PDPK1: variants seen among roughly 807,000 people sequenced by gnomAD.
PDPK1 encodes 3-phosphoinositide dependent protein kinase 1.
Under a neutral mutation model 39.8 loss-of-function variants are expected in PDPK1, and 7 were observed. That is an observed-to-expected ratio of 0.18 (90% CI 0.10 to 0.33). The LOEUF (loss-of-function observed/expected upper bound fraction) is 0.33, where lower values mean the gene tolerates loss of function less well. Ranked by LOEUF, PDPK1 falls within the 10% of genes least tolerant of loss-of-function variation. The pLI is 1.00. For synonymous variants in PDPK1, 118 were observed against 159.1 expected (o/e 0.74, Z 1.95); for missense variants, 182 against 384.7 (o/e 0.47, Z 4.41).
chr16:2,545,656 G>A (rs1243659037), intron 1 of PDPK1, among the ~76,000 whole-genome samples: 3 of 152,024 alleles, frequency 2.0e-5, no homozygotes, highest in Non-Finnish European at 4.4e-5. Flanking sequence ...CGCCACACTC[G>A]GCTAATTTTT....
chr16:2,598,054 A>C lies in PDPK1; in HGVS notation c.*287A>C. ...TTGCCGTGGGGACCCAGCTCCATGC[A>C]CGTCAACCCAGTCCCGCCCAGACTA... On this transcript the variant is annotated 3_prime_UTR_variant, in exon 14 of 14. Transcript: ENST00000342085. 2.1e-6 allele frequency: 1 copy of C among 486,086 alleles called. No homozygotes were observed. Among genetic ancestry groups the C allele is most frequent in the Non-Finnish European group, 3.7e-6 (1 of 268,610 alleles). The allele number at this position is 486,086 out of a possible 1,614,324, so 30.1% of individuals were successfully genotyped here.
intron 1 of PDPK1, chr16:2,557,476 CAGG>C (rs1483053345): frequency 1.6e-4 from 63 of 392,526 alleles, no homozygotes; most frequent in African/African-American, 1.3e-3. Context: ...GCGCGAGGGA[CAGG>C]AGGAGGGCGA....
At chr16:2,544,582 TC>T (rs35491336) in intron 1 of PDPK1, among the ~76,000 whole-genome samples, 73 of 151,736 alleles carry the variant, frequency 4.8e-4, no homozygotes, top group African/African-American at 1.6e-3. Flanking sequence ...CCCCCTCACC[TC>T]CCCCAAATTT....
chr16:2,552,471 G>C (rs1030025892), intron 1 of PDPK1, among the ~76,000 whole-genome samples: 4 of 151,608 alleles, frequency 2.6e-5, no homozygotes, highest in African/African-American at 9.7e-5. Flanking sequence ...GTGTGGTTGG[G>C]GGCTCGGGCT....
intron 10 of PDPK1, among the ~76,000 whole-genome samples, chr16:2,584,955 G>T (rs1200314060): frequency 6.6e-6 from 1 of 152,232 alleles, no homozygotes; most frequent in East Asian, 1.9e-4. Context: ...GTGCCACGGG[G>T]CTGCAGTGCT....
At position 2,558,488 on chromosome 16, in the gene PDPK1, A is replaced by G. The variant is rs535524876; in HGVS notation, c.285+525A>G. Reference sequence around the variant, plus strand: ...CAGAGTCTTGTGTTCCGAGTTTCACAAACAGGAGTATTGTCGCAGTACTGT... The same window carrying G: ...CAGAGTCTTGTGTTCCGAGTTTCACGAACAGGAGTATTGTCGCAGTACTGT... On this transcript the variant is annotated intron_variant, in intron 2 of 13. Transcript: ENST00000342085. Among the ~76,000 whole-genome samples the G allele has an allele frequency of 4.6e-5, 7 of 150,800 alleles. No individual in the cohort carries two copies. The South Asian group carries it at 1.5e-3, about 31-fold the overall frequency.
intron 2 of PDPK1, among the ~76,000 whole-genome samples, chr16:2,558,454 C>G (rs2066545366): frequency 6.6e-6 from 1 of 150,670 alleles, no homozygotes; most frequent in African/African-American, 2.5e-5. Context: ...TTGCTGGAGA[C>G]ACAGCCTCCA....
chr16:2,550,202 A>G (rs1307248670), intron 1 of PDPK1, among the ~76,000 whole-genome samples: 1 of 151,272 alleles, frequency 6.6e-6, no homozygotes, highest in Non-Finnish European at 1.5e-5. Context: ...TGTGGCAAAC[A>G]GCAAGCACTT....
intron 1 of PDPK1, among the ~76,000 whole-genome samples, chr16:2,545,922 C>T (rs2066335514): frequency 6.6e-6 from 1 of 152,158 alleles, no homozygotes; most frequent in Non-Finnish European, 1.5e-5. Context: ...CAGGCATGAG[C>T]TACAGCAACC....
Position 2,598,165 on chromosome 16 carries a change from G to C in PDPK1, c.*398G>C, listed in dbSNP as rs886082649. On this transcript the variant is annotated 3_prime_UTR_variant, in exon 14 of 14. Transcript: ENST00000342085. Reference sequence around the variant, plus strand: ...GCCCCAACTGTGTGCTGGTCCTGCTGTGGCCGAGGGGACCGGGTGTGTTTG... The same window carrying C: ...GCCCCAACTGTGTGCTGGTCCTGCTCTGGCCGAGGGGACCGGGTGTGTTTG... 2 of 250,896 alleles carry C rather than the reference G, an allele frequency of 8.0e-6. No individual in the cohort carries two copies. The highest frequency in any genetic ancestry group is 1.5e-5 in the Non-Finnish European group (2 of 129,774). 15.5% of individuals were successfully genotyped at this position (250,896 alleles called of 1,614,324 possible). A position where few individuals can be genotyped will look rare whatever the true frequency, so the allele number is the denominator to read the frequency against.
At chr16:2,580,383 C>G (rs1199433539) in intron 7 of PDPK1, among the ~76,000 whole-genome samples, 1 of 146,602 alleles carries the variant, frequency 6.8e-6, no homozygotes. Context: ...TGTTCTCCCT[C>G]TAGTGGGCGA....
intron 7 of PDPK1, chr16:2,579,459 G>A (rs1397768439): frequency 2.8e-5 from 3 of 107,474 alleles, no homozygotes; most frequent in Non-Finnish European, 5.7e-5. Context: ...TGCCCTCTTC[G>A]AAAAAGGAGG....
At chr16:2,545,122 C>T (rs539702553) in intron 1 of PDPK1, among the ~76,000 whole-genome samples, 68 of 151,198 alleles carry the variant, frequency 4.5e-4, no homozygotes, top group African/African-American at 1.5e-3. Context: ...CTGCAACCTC[C>T]GCCTTCTGGG....
rs2067194643 is a variant in PDPK1, at chr16:2,600,418, C to T, written c.*2651C>T. ...TAGGTGTCCCAGGTGCCCCGCCTTT[C>T]TCTGGGACACAGTTGGGGGCTGGCT... On this transcript the variant is annotated 3_prime_UTR_variant, in exon 14 of 14. Transcript: ENST00000342085. The T allele has an allele frequency of 4.3e-6, 1 of 232,446 alleles. No homozygotes were observed. The highest frequency in any genetic ancestry group is 6.0e-5 in the East Asian group (1 of 16,548). 14.4% of individuals were successfully genotyped at this position (232,446 alleles called of 1,614,324 possible). A position where few individuals can be genotyped will look rare whatever the true frequency, so the allele number is the denominator to read the frequency against.
At chr16:2,561,068 G>A in intron 2 of PDPK1, among the ~76,000 whole-genome samples, 1 of 146,080 alleles carries the variant, frequency 6.8e-6, no homozygotes, top group Non-Finnish European at 1.5e-5. Flanking sequence ...GAAACTTCAG[G>A]GCAGCCTTTG....
In PDPK1 at chr16:2,586,665, C is replaced by A. The variant is rs1367143912; in HGVS notation, c.1126-11C>A. On this transcript the variant is annotated splice_polypyrimidine_tract_variant and intron_variant, in intron 10 of 13. Coordinates refer to ENST00000342085, the MANE Select transcript of PDPK1 (RefSeq NM_002613.5). ...GAAGGTGCGGTTCTCACTTTCCCTTCTTCTCTGCAGTATGACAATCTCCTG... is the reference window on the plus strand; with the variant it reads ...GAAGGTGCGGTTCTCACTTTCCCTTATTCTCTGCAGTATGACAATCTCCTG... 4 of 1,612,698 alleles carry A rather than the reference C, an allele frequency of 2.5e-6. No individual in the cohort carries two copies. Among genetic ancestry groups the A allele is most frequent in the East Asian group, 2.2e-5 (1 of 44,888 alleles).
Position 2,597,198 on chromosome 16 carries a change from G to A in PDPK1, c.1477G>A (p.Val493Ile). Residue 493 changes from valine (V) to isoleucine (I), a missense_variant, in exon 13 of 14, where the codon GTT becomes ATT. Physicochemically the swap from Val to Ile is conservative, Grantham distance 29. This residue lies in a region of PDPK1 where 67 missense variants were observed against 87.8 expected (regional missense o/e 0.76). Transcript: ENST00000342085. The surrounding 1 kb of genome is among the most constrained non-coding windows in gnomAD (Gnocchi z 6.3). ...HLYYVDPVNK[V>I]LKGEIPWSQE... The stretch of plus-strand genomic sequence containing the variant: ...ATATTATGTGGATCCTGTCAACAAA[G>A]TTCTGAAAGGTGAAATTCCTTGGTC... 1 of 1,595,270 alleles carries A rather than the reference G, an allele frequency of 6.3e-7. No individual in the cohort carries two copies. The highest frequency in any genetic ancestry group is 8.6e-7 in the Non-Finnish European group (1 of 1,164,438).
intron 11 of PDPK1, among the ~76,000 whole-genome samples, chr16:2,589,787 A>C (rs1038139899): frequency 8.5e-5 from 13 of 152,074 alleles, no homozygotes; most frequent in African/African-American, 3.1e-4. Context: ...ATGTGTGATG[A>C]GCTCTTTAAA....
At position 2,602,739 on chromosome 16, in the gene PDPK1, A is replaced by G. The variant is rs1304293635; in HGVS notation, c.*4972A>G. On this transcript the variant is annotated 3_prime_UTR_variant, in exon 14 of 14. Coordinates refer to ENST00000342085, the MANE Select transcript of PDPK1 (RefSeq NM_002613.5). ...AAGCAGAACATGCGTAATATTCTCTACCTGGTCTGTAGCTGTAACTGTGAT... is the reference window on the plus strand; with the variant it reads ...AAGCAGAACATGCGTAATATTCTCTGCCTGGTCTGTAGCTGTAACTGTGAT... 6.0e-5 allele frequency: 14 copies of G among 234,666 alleles called. No homozygotes were observed. The East Asian group carries it at 7.8e-4, about 13-fold the overall frequency. 14.5% of individuals were successfully genotyped at this position (234,666 alleles called of 1,614,324 possible). A position where few individuals can be genotyped will look rare whatever the true frequency, so the allele number is the denominator to read the frequency against.
Sources: gnomAD v4.1 joint callset for allele counts (sites outside exome capture counted in the v4.1 genomes callset) on GRCh38, gnomAD v4.1.1 for gene constraint, gnomAD v4.1.1 regional missense constraint, Gnocchi (gnomAD v3.1) non-coding constraint, MANE v1.5 for transcripts, NCBI Gene and HGNC (gene_info 2026-07-23, HGNC 2026-07-21) for gene names.